Variants in LONRF2 observed in about 807,000 individuals in gnomAD.
LONRF2 encodes LON peptidase N-terminal domain and RING finger protein 2.
In LONRF2, 35 loss-of-function variants were observed where a neutral mutation model predicts 66.6. That is an observed-to-expected ratio of 0.53 (90% CI 0.40 to 0.70). LONRF2 has a LOEUF of 0.70. Ranked by LOEUF, LONRF2 falls within the 30% of genes least tolerant of loss-of-function variation. LONRF2 has a pLI of 0.00. For missense variants in LONRF2, 902 were observed against 1,002.1 expected (o/e 0.90, Z 1.35); for synonymous variants, 417 against 418.1 (o/e 1.00, Z 0.03).
rs745472758 is a variant in LONRF2, at chr2:100,299,328, G to A, written c.1268-9C>T. On this transcript the variant is annotated splice_polypyrimidine_tract_variant and intron_variant, in intron 5 of 11. Coordinates refer to ENST00000393437, the MANE Select transcript of LONRF2 (RefSeq NM_198461.4). ...CCTTTGAAGTGAGAGATCTGAATGC[G>A]AAAAAATTTAAAACGCTGTAATTAA... The A allele has an allele frequency of 8.5e-6, 13 of 1,530,690 alleles. No individual in the cohort carries two copies. The South Asian group carries it at 8.6e-5, about 10-fold the overall frequency. 94.8% of individuals were successfully genotyped at this position (1,530,690 alleles called of 1,614,324 possible).
intron 1 of LONRF2, among the ~76,000 whole-genome samples, chr2:100,314,544 A>G (rs1240655631): frequency 2.0e-5 from 3 of 152,104 alleles, no homozygotes; most frequent in Admixed American, 2.0e-4. Flanking sequence ...AGATATTTGT[A>G]TACTCATCCC....
intron 1 of LONRF2, among the ~76,000 whole-genome samples, chr2:100,312,294 T>C (rs1675425513): frequency 6.6e-6 from 1 of 152,196 alleles, no homozygotes; most frequent in South Asian, 2.1e-4. Context: ...TCCTTTTATA[T>C]CCGCAATGAT....
In LONRF2 at chr2:100,272,473, T is replaced by A. The variant is rs1323303945; in HGVS notation, c.*11825A>T. ...ATGCTTGTACCACTGCCCTCCAGCC[T>A]GGATGACACAGCAAGACCATGTCCC... On this transcript the variant is annotated 3_prime_UTR_variant, in exon 12 of 12. Transcript: ENST00000393437. Among the ~76,000 whole-genome samples, 1 of 151,816 alleles carries A rather than the reference T, an allele frequency of 6.6e-6. No homozygotes were observed. The highest frequency in any genetic ancestry group is 6.6e-5 in the Admixed American group (1 of 15,228).
At chr2:100,306,019 G>T (rs2105730064) in intron 2 of LONRF2, among the ~76,000 whole-genome samples, 1 of 152,252 alleles carries the variant, frequency 6.6e-6, no homozygotes, top group Non-Finnish European at 1.5e-5. Flanking sequence ...CTCCGGAGTA[G>T]CTGGGATTAT....
intron 1 of LONRF2, among the ~76,000 whole-genome samples, chr2:100,312,566 T>A (rs530171573): frequency 1.1e-4 from 16 of 152,350 alleles, no homozygotes; most frequent in African/African-American, 3.6e-4. Context: ...AATGAATACA[T>A]TTAAGTCTCT....
intron 1 of LONRF2, among the ~76,000 whole-genome samples, chr2:100,315,798 T>G (rs1028283010): frequency 6.6e-6 from 1 of 152,218 alleles, no homozygotes; most frequent in Non-Finnish European, 1.5e-5. Context: ...GGCTGTATTT[T>G]TCCTGTCTTG....
At chr2:100,318,831 C>CAAAA (rs370896189) in intron 1 of LONRF2, among the ~76,000 whole-genome samples, 52,005 of 124,586 alleles carry the variant, frequency 0.42, 11,286 homozygotes, top group East Asian at 0.71. Context: ...GACCTTGTCT[C>CAAAA]AAAAAAAAAA....
intron 2 of LONRF2, among the ~76,000 whole-genome samples, chr2:100,306,327 T>A (rs1052060156): frequency 2.6e-5 from 4 of 152,312 alleles, no homozygotes; most frequent in Admixed American, 6.5e-5. Flanking sequence ...TATCAAAAGT[T>A]CTGAGAAAAT....
chr2:100,299,857 A>G lies in LONRF2; in HGVS notation c.1127T>C (p.Leu376Pro). ...NTNSSVLYFI[L>P]GLHFEEDKKA... ...TTTATCCTCTTCAAAGTGTAGACCC[A>G]GTATAAAATACAAAACTGAAGAATT... Residue 376 changes from leucine (L) to proline (P), a missense_variant, in exon 5 of 12, where the codon CTG (leucine) becomes CCG (proline). Physicochemically the swap from Leu to Pro is moderately conservative, Grantham distance 98. Coordinates refer to ENST00000393437, the MANE Select transcript of LONRF2 (RefSeq NM_198461.4). 1.9e-6 allele frequency: 3 copies of G among 1,612,206 alleles called. No homozygotes were observed. The highest frequency in any genetic ancestry group is 2.5e-6 in the Non-Finnish European group (3 of 1,178,266).
chr2:100,316,638 C>T (rs1407729184), intron 1 of LONRF2, among the ~76,000 whole-genome samples: 1 of 152,126 alleles, frequency 6.6e-6, no homozygotes, highest in Non-Finnish European at 1.5e-5. Context: ...CAACGCTCTG[C>T]CTATGGTCAT....
intron 9 of LONRF2, among the ~76,000 whole-genome samples, chr2:100,292,290 A>T (rs760623387): frequency 6.6e-6 from 1 of 152,188 alleles, no homozygotes; most frequent in South Asian, 2.1e-4. Context: ...CTCATCAAGG[A>T]GCCTCTTATC....
chr2:100,312,415 C>T (rs1675427712), intron 1 of LONRF2, among the ~76,000 whole-genome samples: 1 of 152,144 alleles, frequency 6.6e-6, no homozygotes, highest in Non-Finnish European at 1.5e-5. Context: ...TGTTAACTAA[C>T]TCAATTTTTT....
rs779121190 is a variant in LONRF2 at position 100,321,802 on chromosome 2, G to T, written c.292C>A (p.Leu98Met). 66 of 1,078,304 alleles carry T rather than the reference G, an allele frequency of 6.1e-5. No homozygotes were observed. In the South Asian group the frequency reaches 1.5e-3, roughly 25 times the overall value. 66.8% of individuals were successfully genotyped at this position (1,078,304 alleles called of 1,614,324 possible). A position where few individuals can be genotyped will look rare whatever the true frequency, so the allele number is the denominator to read the frequency against. Residue 98 changes from leucine to methionine, a missense_variant, in exon 1 of 12, where the codon CTG becomes ATG. Coordinates refer to ENST00000393437, the MANE Select transcript of LONRF2 (RefSeq NM_198461.4). ...GALRPEELEELAGGLVRAVGL... is the reference protein window; with the variant it reads ...GALRPEELEEMAGGLVRAVGL... ...ACGGCGCGCACCAGGCCGCCCGCCA[G>T]CTCTTCCAGCTCCTCCGGCCGCAGC...
chr2:100,274,440 G>A lies in LONRF2; in HGVS notation c.*9858C>T. 6.6e-6 allele frequency: 1 copy of A among 152,236 alleles called. No individual in the cohort carries two copies. Among genetic ancestry groups the A allele is most frequent in the East Asian group, 1.9e-4 (1 of 5,202 alleles). 9.4% of individuals were successfully genotyped at this position (152,236 alleles called of 1,614,324 possible). On this transcript the variant is annotated 3_prime_UTR_variant, in exon 12 of 12. Transcript: ENST00000393437. Reference sequence around the variant, plus strand: ...CTAGAAGCTGTAACCTGAAATGCTAGAATGAGCTTATATTAATCATGCTTT... The same window carrying A: ...CTAGAAGCTGTAACCTGAAATGCTAAAATGAGCTTATATTAATCATGCTTT...
Position 100,321,707 on chromosome 2 carries a change from C to T in LONRF2, c.387G>A (p.Gly129=), listed in dbSNP as rs1427646638. The change falls in exon 1 of 12, where the codon GGG becomes GGA. Residue 129 remains glycine (G), a synonymous_variant. Transcript: ENST00000393437. The part of the protein sequence containing the change: ...GGEPEAPGEG[G]PAPEPRAPRD... Reference sequence around the variant, plus strand: ...GGGGCGCGCGGGGCTCCGGGGCCGGCCCTCCCTCGCCGGGCGCCTCGGGCT... The same window carrying T: ...GGGGCGCGCGGGGCTCCGGGGCCGGTCCTCCCTCGCCGGGCGCCTCGGGCT... The T allele has an allele frequency of 9.3e-6, 11 of 1,183,236 alleles. No homozygotes were observed. Among genetic ancestry groups the T allele is most frequent in the African/African-American group, 1.6e-5 (1 of 61,966 alleles). The allele number at this position is 1,183,236 out of a possible 1,614,324, so 73.3% of individuals were successfully genotyped here. A position where few individuals can be genotyped will look rare whatever the true frequency, so the allele number is the denominator to read the frequency against.
At chr2:100,296,023 T>A (rs1332157510) in intron 7 of LONRF2, among the ~76,000 whole-genome samples, 1 of 152,166 alleles carries the variant, frequency 6.6e-6, no homozygotes, top group Non-Finnish European at 1.5e-5. Flanking sequence ...AGCTTTGTTG[T>A]ATTACTTAGG....
rs1675219013 is a variant in LONRF2 at position 100,303,015 on chromosome 2, G to C, written c.827C>G (p.Ser276Cys). 6.2e-7 allele frequency: 1 copy of C among 1,609,094 alleles called. No individual in the cohort carries two copies. Among genetic ancestry groups the C allele is most frequent in the Non-Finnish European group, 8.5e-7 (1 of 1,177,314 alleles). The change falls in exon 3 of 12, where the codon TCT (serine) becomes TGT (cysteine). Residue 276 changes from serine to cysteine, a missense_variant. Coordinates refer to ENST00000393437, the MANE Select transcript of LONRF2 (RefSeq NM_198461.4). ...KGHQVKAQAL[S>C]GLGRSKEVLK... ...CACTTCCTTACTTCTTCCCAATCCA[G>C]AAAGAGCCTGAGCTTTTACTTGATG...
rs201703532 is a variant in LONRF2 at position 100,290,414 on chromosome 2, T to A, written c.1764A>T (p.Ser588=). 7 of 1,606,190 alleles carry A rather than the reference T, an allele frequency of 4.4e-6. No homozygotes were observed. The highest frequency in any genetic ancestry group is 1.3e-5 in the African/African-American group (1 of 74,478). The change falls in exon 10 of 12, where the codon TCA becomes TCT. Residue 588 remains serine, a synonymous_variant. Transcript: ENST00000393437. The stretch of plus-strand genomic sequence containing the variant: ...TAATCTCCAGCATGCATCCATACTC[T>A]GAAAGCCTGAAAAGACAGTTAGGAG... ...MCLSAEHAGL[S]EYGCMLEIKD...
chr2:100,321,552 A>G lies in LONRF2; in HGVS notation c.542T>C (p.Val181Ala). The change falls in exon 1 of 12, where the codon GTG becomes GCG. Residue 181 changes from valine (V) to alanine (A), a missense_variant. This residue lies in a region of LONRF2 where 585 missense variants were observed against 569.9 expected (regional missense o/e 1.03). Transcript: ENST00000393437. ...PARPQVRRVN[V>A]VLSGLLEKCF... ...CTTCTCCAGCAGGCCGCTCAGCACC[A>G]CGTTCACGCGCCGCACCTGCGGCCG... is the stretch of plus-strand genomic sequence containing the variant. 6.5e-7 allele frequency: 1 copy of G among 1,545,878 alleles called. No individual in the cohort carries two copies. Among genetic ancestry groups the G allele is most frequent in the Non-Finnish European group, 8.6e-7 (1 of 1,158,172 alleles).
Sources: gnomAD v4.1 joint callset for allele counts (sites outside exome capture counted in the v4.1 genomes callset) on GRCh38, gnomAD v4.1.1 for gene constraint, gnomAD v4.1.1 regional missense constraint, MANE v1.5 for transcripts, NCBI Gene and HGNC (gene_info 2026-07-23, HGNC 2026-07-21) for gene names.